The following LGALS9 variants were observed in gnomAD, a reference collection of about 807,000 sequenced individuals.
The protein encoded by LGALS9 is galectin-9.
LGALS9 carries 26 observed loss-of-function variants against 35.9 expected under a neutral mutation model. That is an observed-to-expected ratio of 0.72 (90% confidence interval 0.53 to 1.01). The LOEUF (loss-of-function observed/expected upper bound fraction) is 1.01, where lower values mean the gene tolerates loss of function less well. Among genes scored for constraint, LGALS9 ranks in the 50% least tolerant of loss-of-function variants. The probability of loss-of-function intolerance (pLI) is 0.00; values close to 1 mark genes in which losing one functional copy is unlikely to be tolerated. For missense variants in LGALS9, 347 were observed against 445.8 expected (o/e 0.78, Z 1.99); for synonymous variants, 149 against 172.2 (o/e 0.87, Z 1.06).
At position 27,642,646 on chromosome 17, in the gene LGALS9, G is replaced by A. The variant is rs912456634; in HGVS notation, c.444+298G>A. On this transcript the variant is annotated intron_variant, in intron 4 of 10. Coordinates refer to ENST00000395473, the MANE Select transcript of LGALS9 (RefSeq NM_009587.3). ...AGGAGGGCATATTGTTCTAGAAAGA[G>A]CCCAGGCTCAAGAACCAAACTGAAT... Among the ~76,000 whole-genome samples, 71 of 152,064 alleles carry A rather than the reference G, an allele frequency of 4.7e-4. 2 individuals are homozygous for A. The highest frequency in any genetic ancestry group is 1.6e-3 in the African/African-American group (68 of 41,302).
chr17:27,641,442 A>G (rs972596503), intron 3 of LGALS9, among the ~76,000 whole-genome samples: 1 of 152,184 alleles, frequency 6.6e-6, no homozygotes, highest in Non-Finnish European at 1.5e-5. Context: ...CAGAAAACCA[A>G]ACACCACATG....
At chr17:27,643,837 G>A (rs560075173) in intron 5 of LGALS9, among the ~76,000 whole-genome samples, 2 of 152,118 alleles carry the variant, frequency 1.3e-5, no homozygotes, top group African/African-American at 2.4e-5. Flanking sequence ...TCCAAGGCAC[G>A]AACGTGTCTC....
rs754615858 is a variant in LGALS9 at position 27,642,279 on chromosome 17, C to T, written c.375C>T (p.Arg125=). Residue 125 remains arginine (R), a synonymous_variant, in exon 4 of 11, where the codon CGC becomes CGT. Transcript: ENST00000395473. ...NGILFVQYFH[R]VPFHRVDTIS... ...TCCTCTTCGTGCAGTACTTCCACCG[C>T]GTGCCCTTCCACCGTGTGGACACCA... 96 of 1,612,758 alleles carry T rather than the reference C, an allele frequency of 6.0e-5. 1 individual carries two copies. Among genetic ancestry groups the T allele is most frequent in the Middle Eastern group, 5.6e-4 (3 of 5,392 alleles).
chr17:27,643,439 C>A, intron 4 of LGALS9, 86 bp from the exon 5 acceptor site: 1 of 1,584,956 alleles, frequency 6.3e-7, no homozygotes, highest in Non-Finnish European at 8.6e-7. Flanking sequence ...CCTGGTCTCT[C>A]CCTCTTGCCC....
intron 1 of LGALS9, among the ~76,000 whole-genome samples, chr17:27,637,233 G>A (rs546008828): frequency 7.9e-5 from 12 of 152,320 alleles, no homozygotes; most frequent in South Asian, 4.1e-4. Flanking sequence ...AGATGAAGGT[G>A]GGGGGTGGGT....
chr17:27,647,262 C>T lies in LGALS9; in HGVS notation c.759-8C>T. ...TGGATAAAGGTTCAGGTGGGCTGCC[C>T]ACCCCAGGTTCCACATCAACCTGTG... On this transcript the variant is annotated splice_region_variant and splice_polypyrimidine_tract_variant and intron_variant, in intron 9 of 10. Transcript: ENST00000395473. The T allele has an allele frequency of 4.3e-6, 7 of 1,613,716 alleles. No individual in the cohort carries two copies. The highest frequency in any genetic ancestry group is 5.1e-6 in the Non-Finnish European group (6 of 1,180,022).
chr17:27,647,966 C>T (rs368998411), intron 10 of LGALS9, among the ~76,000 whole-genome samples: 5 of 152,260 alleles, frequency 3.3e-5, no homozygotes, highest in Admixed American at 6.5e-5. Context: ...CTAGGGCCAA[C>T]GTGCAGAGGC....
At chr17:27,637,235 G>C (rs965425932) in intron 1 of LGALS9, among the ~76,000 whole-genome samples, 1 of 152,174 alleles carries the variant, frequency 6.6e-6, no homozygotes, top group African/African-American at 2.4e-5. Flanking sequence ...ATGAAGGTGG[G>C]GGGTGGGTGA....
intron 7 of LGALS9, 104 bp downstream of exon 7, chr17:27,646,015 G>A: frequency 2.8e-6 from 4 of 1,411,242 alleles, no homozygotes; most frequent in Non-Finnish European, 4.0e-6. Flanking sequence ...GGTTTAGCAA[G>A]GAGGATGGGG....
At chr17:27,646,636 G>T (rs1567919320) in intron 8 of LGALS9, 48 bp downstream of exon 8, 3 of 1,612,988 alleles carry the variant, frequency 1.9e-6, no homozygotes, top group Non-Finnish European at 1.7e-6. Flanking sequence ...TGGTGGGCAG[G>T]CTGGGGGTGA....
intron 7 of LGALS9, 71 bp from the exon 8 acceptor site, chr17:27,646,476 T>G (rs1164809599): frequency 6.2e-7 from 1 of 1,609,160 alleles, no homozygotes; most frequent in Non-Finnish European, 8.5e-7. Flanking sequence ...CTAGAACGCG[T>G]GGGTGCGCCT....
At chr17:27,642,117 G>C (rs1904554037) in intron 3 of LGALS9, 121 bp from the exon 4 acceptor site, 14 of 1,505,608 alleles carry the variant, frequency 9.3e-6, no homozygotes, top group Non-Finnish European at 1.2e-5. Context: ...TCCTGTAACT[G>C]GCCCCACACT....
intron 5 of LGALS9, chr17:27,643,921 C>A (rs1477991280): frequency 1.4e-5 from 5 of 366,790 alleles, no homozygotes; most frequent in South Asian, 5.4e-5. Context: ...GTTCCCCACC[C>A]CCTACACCCA....
intron 1 of LGALS9, among the ~76,000 whole-genome samples, chr17:27,634,856 T>G (rs1196499757): frequency 6.6e-6 from 1 of 152,208 alleles, no homozygotes; most frequent in Admixed American, 6.5e-5. Flanking sequence ...TGTTATAAGT[T>G]TCTTATAAAT....
intron 1 of LGALS9, among the ~76,000 whole-genome samples, chr17:27,635,092 A>G (rs145151948): frequency 3.4e-3 from 522 of 152,270 alleles, no homozygotes; most frequent in Non-Finnish European, 6.0e-3. Flanking sequence ...GCTTTGCTTT[A>G]TAATCCTTTG....
intron 10 of LGALS9, among the ~76,000 whole-genome samples, chr17:27,647,765 C>A (rs374957365): frequency 6.6e-6 from 1 of 152,348 alleles, no homozygotes; most frequent in South Asian, 2.1e-4. Context: ...GCCTGCTTTG[C>A]GCAGGAAGCA....
At position 27,635,875 on chromosome 17, in the gene LGALS9, G is replaced by A. The variant is rs377571011; in HGVS notation, c.40-2388G>A. 6.6e-5 allele frequency among the ~76,000 whole-genome samples: 10 copies of A among 152,328 alleles called. No individual in the cohort carries two copies. The East Asian group carries it at 1.9e-3, about 29-fold the overall frequency. Reference sequence around the variant, plus strand: ...AGGGAAAACAGGCTTCCCAATCCTAGGCCGTGCTGGTCCATAATTGGATCA... The same window carrying A: ...AGGGAAAACAGGCTTCCCAATCCTAAGCCGTGCTGGTCCATAATTGGATCA... On this transcript the variant is annotated intron_variant, in intron 1 of 10. Coordinates refer to ENST00000395473, the MANE Select transcript of LGALS9 (RefSeq NM_009587.3).
In LGALS9 at chr17:27,639,578, T is replaced by A. The variant is rs191765018; in HGVS notation, c.132-994T>A. Among the ~76,000 whole-genome samples, 6 of 152,234 alleles carry A rather than the reference T, an allele frequency of 3.9e-5. No individual in the cohort carries two copies. In the East Asian group the frequency reaches 1.2e-3, roughly 29 times the overall value. On this transcript the variant is annotated intron_variant, in intron 2 of 10. Coordinates refer to ENST00000395473, the MANE Select transcript of LGALS9 (RefSeq NM_009587.3). ...TCCATTTATTCATTTAATTAATTAATTTTTTTCTTTTGAGACAGGGACTTT... is the reference window on the plus strand; with the variant it reads ...TCCATTTATTCATTTAATTAATTAAATTTTTTCTTTTGAGACAGGGACTTT...
At position 27,647,415 on chromosome 17, in the gene LGALS9, C is replaced by G; in HGVS notation, c.904C>G (p.Arg302Gly). The G allele has an allele frequency of 6.2e-7, 1 of 1,614,134 alleles. No homozygotes were observed. Among genetic ancestry groups the G allele is most frequent in the Non-Finnish European group, 8.5e-7 (1 of 1,180,034 alleles). The change falls in exon 10 of 11, where the codon CGT (arginine) becomes GGT (glycine). Residue 302 changes from arginine (R) to glycine (G), a missense_variant. Arg to Gly is a moderately radical substitution (Grantham distance 125). Transcript: ENST00000395473. Reference sequence around the variant, plus strand: ...TCTGCCCCGAAAAATGCCCTTCGTCCGTGGCCAGAGCTTCTCAGTAAGGCA... The same window carrying G: ...TCTGCCCCGAAAAATGCCCTTCGTCGGTGGCCAGAGCTTCTCAGTAAGGCA... ...RSLPRKMPFVRGQSFSVWILC... is the reference protein window; with the variant it reads ...RSLPRKMPFVGGQSFSVWILC...
Sources: gnomAD v4.1 joint callset for allele counts (sites outside exome capture counted in the v4.1 genomes callset) on GRCh38, gnomAD v4.1.1 for gene constraint, MANE v1.5 for transcripts, NCBI Gene and HGNC (gene_info 2026-07-23, HGNC 2026-07-21) for gene names.